Variants in LDB1 observed in about 807,000 individuals in gnomAD.
The protein encoded by LDB1 is LIM domain binding 1, also known as LIM domain-binding protein 1.
Under a neutral mutation model 49.7 loss-of-function variants are expected in LDB1, and 6 were observed. The ratio of observed to expected loss-of-function variants is 0.12; its 90% CI spans 0.07 to 0.24. LDB1 has a LOEUF of 0.24. LDB1 is among the 10% of genes least tolerant of loss of function. The pLI is 1.00. For synonymous variants in LDB1, 233 were observed against 202.0 expected, an observed-to-expected ratio of 1.15 and a Z score of -1.30; for missense variants, 341 against 561.7, an observed-to-expected ratio of 0.61 and a Z score of 3.97.
At chr10:102,119,993 C>A (rs1345770131) in intron 1 of LDB1, 93 bp downstream of exon 1, 2 of 1,001,072 alleles carry the variant, frequency 2.0e-6, no homozygotes, top group Non-Finnish European at 1.4e-6. Context: ...ATGCCATCGA[C>A]GCCCCCCACA....
Position 102,120,255 on chromosome 10 carries a change from G to C in LDB1, c.-145C>G. 1 of 983,292 alleles carries C rather than the reference G, an allele frequency of 1.0e-6. No individual in the cohort carries two copies. Among genetic ancestry groups the C allele is most frequent in the Non-Finnish European group, 1.2e-6 (1 of 829,314 alleles). 60.9% of individuals were successfully genotyped at this position (983,292 alleles called of 1,614,324 possible). A position where few individuals can be genotyped will look rare whatever the true frequency, so the allele number is the denominator to read the frequency against. ...GCCCGGCCTCGGCCCGGTGCGGGCGGCCCCTGGCTGCGGCGAGGGGCCTGT... is the reference window on the plus strand; with the variant it reads ...GCCCGGCCTCGGCCCGGTGCGGGCGCCCCCTGGCTGCGGCGAGGGGCCTGT... On this transcript the variant is annotated 5_prime_UTR_variant, in exon 1 of 11. Coordinates refer to ENST00000673968, the MANE Select transcript of LDB1 (RefSeq NM_001113407.3).
rs766479693 is a variant in LDB1, at chr10:102,110,516, C to A, written c.525+13G>T. 2.3e-5 allele frequency: 37 copies of A among 1,605,330 alleles called. No homozygotes were observed. The highest frequency in any genetic ancestry group is 1.3e-5 in the African/African-American group (1 of 74,816). Reference sequence around the variant, plus strand: ...AGGTGCCATGGTGTTCCACATCCAGCTGGGTTGCTGACCTGGGTGAACATG... The same window carrying A: ...AGGTGCCATGGTGTTCCACATCCAGATGGGTTGCTGACCTGGGTGAACATG... On this transcript the variant is annotated intron_variant, in intron 6 of 10. Coordinates refer to ENST00000673968, the MANE Select transcript of LDB1 (RefSeq NM_001113407.3).
chr10:102,111,469 G>A lies in LDB1; in HGVS notation c.93C>T (p.Pro31=), dbSNP rs1050374555. 6.4e-7 allele frequency: 1 copy of A among 1,566,006 alleles called. No individual in the cohort carries two copies. The highest frequency in any genetic ancestry group is 1.4e-5 in the African/African-American group (1 of 73,646). The change falls in exon 2 of 11, where the codon CCC becomes CCT. Residue 31 remains proline, a synonymous_variant. Transcript: ENST00000673968. The part of the protein sequence containing the change: ...KEPPNGNAFP[P]FHPGTMLDRD... ...TATCCAGCATGGTGCCGGGATGGAA[G>A]GGGGGAAAGGCGTTGCCGTTCGGGG... is the stretch of plus-strand genomic sequence containing the variant.
Position 102,111,318 on chromosome 10 carries a change from C to T in LDB1, c.129-18G>A. The T allele has an allele frequency of 6.2e-7, 1 of 1,613,608 alleles. No homozygotes were observed. The highest frequency in any genetic ancestry group is 8.5e-7 in the Non-Finnish European group (1 of 1,179,586). ...GAGTTGGGCTGTGTAAAGGAAGAGG[C>T]TATGAGAATGGGGGTTGAAGATAGG... On this transcript the variant is annotated intron_variant, in intron 2 of 10. Coordinates refer to ENST00000673968, the MANE Select transcript of LDB1 (RefSeq NM_001113407.3).
chr10:102,103,200 G>T (rs924565799), downstream of LDB1, among the ~76,000 whole-genome samples: 4 of 151,738 alleles, frequency 2.6e-5, no homozygotes, highest in Admixed American at 6.6e-5. Flanking sequence ...GCTAATTTTT[G>T]TATCTTTGGT....
chr10:102,109,678 T>G lies in LDB1; in HGVS notation c.654A>C (p.Gln218His), dbSNP rs373832021. 2 of 1,614,044 alleles carry G rather than the reference T, an allele frequency of 1.2e-6. No homozygotes were observed. Among genetic ancestry groups the G allele is most frequent in the East Asian group, 4.5e-5 (2 of 44,882 alleles). Reference sequence around the variant, plus strand: ...AGAGCTGATCCAACATCTGGGGGTCTTGGGCCTAGAGTGGGAGAAAAGACA... The same window carrying G: ...AGAGCTGATCCAACATCTGGGGGTCGTGGGCCTAGAGTGGGAGAAAAGACA... ...IPRSILAMHA[Q>H]DPQMLDQLSK... The change falls in exon 8 of 11, where the codon CAA (glutamine) becomes CAC (histidine). Residue 218 changes from glutamine to histidine, a missense_variant. Gln to His is a conservative substitution (Grantham distance 24). Around this residue, in one of 5 missense-constraint regions of LDB1, gnomAD observed 233 missense variants for 385.7 expected, o/e 0.60. Coordinates refer to ENST00000673968, the MANE Select transcript of LDB1 (RefSeq NM_001113407.3). This position sits in a 1 kb window ranked among gnomAD's most constrained non-coding sequence, Gnocchi z 5.8.
At chr10:102,120,697 C>T (rs959313936), upstream of LDB1, among the ~76,000 whole-genome samples, 1 of 152,146 alleles carries the variant, frequency 6.6e-6, no homozygotes, top group Non-Finnish European at 1.5e-5. Context: ...GGCAGAGACC[C>T]CAGAGAGGGA....
chr10:102,108,363 G>T (rs2068197933), intron 10 of LDB1, 40 bp from the exon 11 acceptor site: 1 of 1,545,620 alleles, frequency 6.5e-7, no homozygotes. Flanking sequence ...TCGGGGCAAG[G>T]GCTCGCCCGG....
rs1458584137 is a variant in LDB1, at chr10:102,109,702, C to A, written c.649-19G>T. The A allele has an allele frequency of 6.2e-7, 1 of 1,612,000 alleles. No homozygotes were observed. The highest frequency in any genetic ancestry group is 1.7e-5 in the Admixed American group (1 of 60,012). ...CTTGGGCCTAGAGTGGGAGAAAAGA[C>A]AAGAAAGAACACTGACACCTGGGTT... On this transcript the variant is annotated intron_variant, in intron 7 of 10. Coordinates refer to ENST00000673968, the MANE Select transcript of LDB1 (RefSeq NM_001113407.3). The surrounding 1 kb of genome is among the most constrained non-coding windows in gnomAD (Gnocchi z 5.8).
chr10:102,107,151 G>GGAAGGAGCCTCCCCTCC lies in LDB1; in HGVS notation c.*925_*941dup, dbSNP rs1162331574. On this transcript the variant is annotated 3_prime_UTR_variant, in exon 11 of 11. Transcript: ENST00000673968. ...CTCCCTTCTCTCCACGCTCCCTAAG[G>GGAAGGAGCCTCCCCTCC]GAAGGAGCCTCCCCTCCCCGCATCC... Among the ~76,000 whole-genome samples, 2 of 152,100 alleles carry GGAAGGAGCCTCCCCTCC rather than the reference G, an allele frequency of 1.3e-5. No individual in the cohort carries two copies. Among genetic ancestry groups the GGAAGGAGCCTCCCCTCC allele is most frequent in the South Asian group, 4.1e-4 (2 of 4,828 alleles).
chr10:102,106,034 G>C (rs1023704908), downstream of LDB1, among the ~76,000 whole-genome samples: 1 of 152,000 alleles, frequency 6.6e-6, no homozygotes, highest in Non-Finnish European at 1.5e-5. Flanking sequence ...CTGGGGGCTG[G>C]GTAGGGGTAG....
Position 102,109,181 on chromosome 10 carries a change from T to C in LDB1, c.857-4A>G, listed in dbSNP as rs772373911. ...GGCTGCTGACGTGTGGGCTCCGCTG[T>C]GCCGGTAAACGGAGACTCAGATGGG... On this transcript the variant is annotated splice_region_variant and splice_polypyrimidine_tract_variant and intron_variant, in intron 9 of 10. Transcript: ENST00000673968. The surrounding 1 kb of genome is among the most constrained non-coding windows in gnomAD (Gnocchi z 5.8). The C allele has an allele frequency of 5.6e-6, 9 of 1,613,370 alleles. No homozygotes were observed. Among genetic ancestry groups the C allele is most frequent in the Admixed American group, 1.7e-5 (1 of 60,018 alleles).
chr10:102,105,885 G>A (rs1267464972), downstream of LDB1, among the ~76,000 whole-genome samples: 7 of 151,912 alleles, frequency 4.6e-5, no homozygotes, highest in African/African-American at 1.7e-4. Flanking sequence ...GCTGAGGCAG[G>A]AGAATCACTT....
chr10:102,113,132 G>T (rs1284807480), intron 1 of LDB1, among the ~76,000 whole-genome samples: 1 of 152,176 alleles, frequency 6.6e-6, no homozygotes, highest in Non-Finnish European at 1.5e-5. Flanking sequence ...GGGGGGAAGA[G>T]ACAAAAGAAG....
Position 102,108,314 on chromosome 10 carries a change from C to T in LDB1, c.1015G>A (p.Val339Met). The T allele has an allele frequency of 3.7e-6, 6 of 1,612,902 alleles. No homozygotes were observed. Among genetic ancestry groups the T allele is most frequent in the Non-Finnish European group, 5.1e-6 (6 of 1,178,970 alleles). Residue 339 changes from valine to methionine, a missense_variant, in exon 11 of 11, where the codon GTG (valine) becomes ATG (methionine). Val to Met is a conservative substitution (Grantham distance 21). Coordinates refer to ENST00000673968, the MANE Select transcript of LDB1 (RefSeq NM_001113407.3). ...CCCATCAGGGTGGGCTCCCCCACCACCATCACATCCTGAGAGTGGCGGAGG... is the reference window on the plus strand; with the variant it reads ...CCCATCAGGGTGGGCTCCCCCACCATCATCACATCCTGAGAGTGGCGGAGG... ...ALSSQVPDVM[V>M]VGEPTLMGGE...
rs368089881 is a variant in LDB1 at position 102,110,838 on chromosome 10, C to A, written c.352+31G>T. ...CTTAGAACGACATAGGAGGTATACA[C>A]CCTCATAGCAAGACCCCAGAGGCCA... On this transcript the variant is annotated intron_variant, in intron 5 of 10. Coordinates refer to ENST00000673968, the MANE Select transcript of LDB1 (RefSeq NM_001113407.3). 85 of 1,592,618 alleles carry A rather than the reference C, an allele frequency of 5.3e-5. No homozygotes were observed. In the African/African-American group the frequency reaches 9.1e-4, roughly 17 times the overall value.
chr10:102,120,125 C>A lies in LDB1; in HGVS notation c.-15G>T. On this transcript the variant is annotated 5_prime_UTR_variant, in exon 1 of 11. Coordinates refer to ENST00000673968, the MANE Select transcript of LDB1 (RefSeq NM_001113407.3). ...CCCACTGACATCTTCACATCGCCCG[C>A]CTCTGGGGGCCCAGCCGAGTCACGG... is the stretch of plus-strand genomic sequence containing the variant. The A allele has an allele frequency of 7.5e-7, 1 of 1,341,008 alleles. No individual in the cohort carries two copies. Among genetic ancestry groups the A allele is most frequent in the Admixed American group, 3.0e-5 (1 of 33,648 alleles). 83.1% of individuals were successfully genotyped at this position (1,341,008 alleles called of 1,614,324 possible). A position where few individuals can be genotyped will look rare whatever the true frequency, so the allele number is the denominator to read the frequency against.
At chr10:102,113,935 A>G (rs2068293851) in intron 1 of LDB1, among the ~76,000 whole-genome samples, 1 of 152,168 alleles carries the variant, frequency 6.6e-6, no homozygotes, top group South Asian at 2.1e-4. Flanking sequence ...CACAACTCCC[A>G]GTGGCTCCAG....
At chr10:102,120,386 T>TGCGCGTGTGCGTGTGC (rs1424277952), upstream of LDB1, 9 of 983,678 alleles carry the variant, frequency 9.1e-6, no homozygotes, top group Non-Finnish European at 1.1e-5. Flanking sequence ...TGTGCGTGTG[T>TGCGCGTGTGCGTGTGC]GCGCGTGTGC....
Sources: gnomAD v4.1 joint callset for allele counts (sites outside exome capture counted in the v4.1 genomes callset) on GRCh38, gnomAD v4.1.1 for gene constraint, gnomAD v4.1.1 regional missense constraint, Gnocchi (gnomAD v3.1) non-coding constraint, MANE v1.5 for transcripts, NCBI Gene and HGNC (gene_info 2026-07-23, HGNC 2026-07-21) for gene names.